IMMP2L: variants seen among roughly 807,000 people sequenced by gnomAD.
IMMP2L encodes the protein mitochondrial inner membrane protease subunit 2.
Under a neutral mutation model 19.3 loss-of-function variants are expected in IMMP2L, and 18 were observed. The ratio of observed to expected loss-of-function variants is 0.93; its 90% CI spans 0.64 to 1.38. IMMP2L has a LOEUF of 1.38. Among genes scored for constraint, IMMP2L ranks in the 40% most tolerant of loss-of-function variants. The pLI is 0.00. For synonymous variants in IMMP2L, 76 were observed against 73.0 expected (o/e 1.04, Z -0.21); for missense variants, 233 against 218.2 (o/e 1.07, Z -0.43).
chr7:110,664,694 A>G (rs1189543904), intron 5 of IMMP2L: 2 of 152,154 alleles, frequency 1.3e-5, no homozygotes, highest in African/African-American at 4.8e-5. Flanking sequence ...TTTTAAAAAA[A>G]TTGTTGTTGT....
At chr7:110,737,859 C>A (rs966383259) in intron 5 of IMMP2L, among the ~76,000 whole-genome samples, 1 of 152,174 alleles carries the variant, frequency 6.6e-6, no homozygotes, top group African/African-American at 2.4e-5. Context: ...AGCTGCAAGA[C>A]CTGAAGACAG....
intron 3 of IMMP2L, among the ~76,000 whole-genome samples, chr7:111,160,630 T>C (rs1004577247): frequency 1.6e-4 from 25 of 151,808 alleles, no homozygotes; most frequent in African/African-American, 5.8e-4. Flanking sequence ...ATGAGCTAAG[T>C]ATGTCATTTA....
chr7:111,461,585 C>T (rs184033084), intron 3 of IMMP2L, among the ~76,000 whole-genome samples: 4 of 152,072 alleles, frequency 2.6e-5, no homozygotes, highest in African/African-American at 9.6e-5. Flanking sequence ...TTTGTTTGTA[C>T]ATTGACTTTG....
Position 110,760,623 on chromosome 7 carries a change from C to T in IMMP2L, c.409-96902G>A, listed in dbSNP as rs775770859. Among the ~76,000 whole-genome samples, 15 of 152,208 alleles carry T rather than the reference C, an allele frequency of 9.9e-5. No individual in the cohort carries two copies. In the East Asian group the frequency reaches 1.4e-3, roughly 14 times the overall value. ...ACCAATCCATATTGAAAGGGAGCAA[C>T]GTGTTGGTTACGTTTTCCTTCCAAC... On this transcript the variant is annotated intron_variant, in intron 5 of 5. Transcript: ENST00000405709. The surrounding 1 kb of genome is among the most constrained non-coding windows in gnomAD (Gnocchi z 4.2).
intron 5 of IMMP2L, among the ~76,000 whole-genome samples, chr7:110,778,374 T>C (rs1056138231): frequency 6.6e-6 from 1 of 152,008 alleles, no homozygotes; most frequent in East Asian, 1.9e-4. Context: ...ATTTAGCATC[T>C]ATGTCATTAT....
At chr7:111,260,007 T>C (rs1023968797) in intron 3 of IMMP2L, among the ~76,000 whole-genome samples, 1 of 152,140 alleles carries the variant, frequency 6.6e-6, no homozygotes, top group East Asian at 1.9e-4. Context: ...TCTCCTATCA[T>C]AACAAAGCCT....
At chr7:111,529,956 C>T (rs1161744901) in intron 1 of IMMP2L, among the ~76,000 whole-genome samples, 2 of 152,274 alleles carry the variant, frequency 1.3e-5, no homozygotes, top group African/African-American at 2.4e-5. Context: ...TTGGTAAGGA[C>T]TCCTTCAACT....
intron 4 of IMMP2L, chr7:110,963,212 T>C: frequency 4.2e-6 from 3 of 719,454 alleles, no homozygotes; most frequent in Non-Finnish European, 4.4e-6. Flanking sequence ...CATGCTACTT[T>C]TAATATCTGA....
intron 3 of IMMP2L, among the ~76,000 whole-genome samples, chr7:111,001,084 G>C (rs753530335): frequency 4.6e-5 from 7 of 152,130 alleles, no homozygotes; most frequent in Non-Finnish European, 8.8e-5. Context: ...GTAATGTGTA[G>C]ACACAGCATT....
At position 111,521,313 on chromosome 7, in the gene IMMP2L, CTGCATCGATGCTCCTTCTACTCT is replaced by C. The variant is rs1270768892; in HGVS notation, c.112_134del (p.Arg38AlafsTer12). 2.5e-6 allele frequency: 4 copies of C among 1,610,650 alleles called. No individual in the cohort carries two copies. In the African/African-American group the frequency reaches 4.0e-5, roughly 16 times the overall value. The stretch of plus-strand genomic sequence containing the variant: ...AAGAACGAAGTTATATCATTTTCAC[CTGCATCGATGCTCCTTCTACTCT>C]TGCCACACAGGCGACCCGATCCAAG... On this transcript the variant is annotated frameshift_variant and splice_region_variant, in exon 2 of 6. Coordinates refer to ENST00000405709, the MANE Select transcript of IMMP2L (RefSeq NM_032549.4). LOFTEE classifies it high-confidence loss of function.
chr7:110,712,268 T>G (rs368292372), intron 5 of IMMP2L, among the ~76,000 whole-genome samples: 1 of 100,730 alleles, frequency 9.9e-6, no homozygotes, highest in Non-Finnish European at 2.0e-5. Context: ...AATACCCTGC[T>G]GTGTGAGGTG....
intron 3 of IMMP2L, among the ~76,000 whole-genome samples, chr7:111,359,355 G>C (rs751458711): frequency 6.6e-6 from 1 of 152,030 alleles, no homozygotes; most frequent in Non-Finnish European, 1.5e-5. Context: ...AGGCTGGAGT[G>C]CAGTGGCATA....
At chr7:110,890,064 T>C (rs1810637837) in intron 4 of IMMP2L, among the ~76,000 whole-genome samples, 1 of 152,208 alleles carries the variant, frequency 6.6e-6, no homozygotes, top group Admixed American at 6.5e-5. Context: ...GCCTCTGCTA[T>C]CTATTAGCAT....
Position 111,556,018 on chromosome 7 carries a change from G to GTGTATA in IMMP2L, c.-3+5832_-3+5833insTATACA, listed in dbSNP as rs777862357. On this transcript the variant is annotated intron_variant, in intron 1 of 5. Coordinates refer to ENST00000405709, the MANE Select transcript of IMMP2L (RefSeq NM_032549.4). ...TTAGCCATCCCTCTTCTGTGTGCAT[G>GTGTATA]TATATATATATATATATACATACCC... Among the ~76,000 whole-genome samples the GTGTATA allele has an allele frequency of 3.0e-4, 27 of 91,366 alleles. 1 individual carries two copies. The highest frequency in any genetic ancestry group is 4.2e-4 in the South Asian group (1 of 2,360). 59.9% of individuals were successfully genotyped at this position (91,366 alleles called of 152,430 possible). A position where few individuals can be genotyped will look rare whatever the true frequency, so the allele number is the denominator to read the frequency against.
At chr7:110,833,369 G>A (rs1319351985) in intron 5 of IMMP2L, among the ~76,000 whole-genome samples, 2 of 149,828 alleles carry the variant, frequency 1.3e-5, no homozygotes, top group African/African-American at 4.9e-5. Context: ...AACCTGGGAG[G>A]CAGAGGTCGC....
At chr7:111,050,049 G>A (rs1022650343) in intron 3 of IMMP2L, among the ~76,000 whole-genome samples, 4 of 152,164 alleles carry the variant, frequency 2.6e-5, no homozygotes, top group Non-Finnish European at 5.9e-5. Flanking sequence ...CAATTTTGAG[G>A]AGGCACAGTC....
intron 3 of IMMP2L, chr7:111,411,391 G>C (rs965032473): frequency 2.1e-6 from 1 of 473,194 alleles, no homozygotes; most frequent in Non-Finnish European, 4.2e-6. Context: ...CAAAAAAAGG[G>C]GTCCCCGTGA....
In IMMP2L at chr7:111,024,574, T is replaced by C. The variant is rs111809382; in HGVS notation, c.240-61009A>G. 1.7e-3 allele frequency among the ~76,000 whole-genome samples: 266 copies of C among 152,324 alleles called. 2 individuals are homozygous for C. The highest frequency in any genetic ancestry group is 6.0e-3 in the African/African-American group (250 of 41,584). ...TGTTTCCCATCTCCCAGGGAACATATTGATAAAGTGCCTGATGCCCAGAGT... is the reference window on the plus strand; with the variant it reads ...TGTTTCCCATCTCCCAGGGAACATACTGATAAAGTGCCTGATGCCCAGAGT... On this transcript the variant is annotated intron_variant, in intron 3 of 5. Transcript: ENST00000405709.
rs1002365280 is a variant in IMMP2L, at chr7:111,551,218, T to A, written c.-3+10633A>T. The stretch of plus-strand genomic sequence containing the variant: ...TGCTACATTTTTCAAAGGAAAGATA[T>A]ATAAAAGTGTGTGTGACAAAGACCT... On this transcript the variant is annotated intron_variant, in intron 1 of 5. Coordinates refer to ENST00000405709, the MANE Select transcript of IMMP2L (RefSeq NM_032549.4). 2.0e-5 allele frequency among the ~76,000 whole-genome samples: 3 copies of A among 152,184 alleles called. No homozygotes were observed. The South Asian group carries it at 6.2e-4, about 32-fold the overall frequency.
Sources: gnomAD v4.1 joint callset for allele counts (sites outside exome capture counted in the v4.1 genomes callset) on GRCh38, gnomAD v4.1.1 for gene constraint, Gnocchi (gnomAD v3.1) non-coding constraint, MANE v1.5 for transcripts, NCBI Gene and HGNC (gene_info 2026-07-23, HGNC 2026-07-21) for gene names.